TOP2A: variants seen among roughly 807,000 people sequenced by gnomAD.
TOP2A encodes DNA topoisomerase II alpha.
A neutral mutation model predicts 187.2 loss-of-function variants in TOP2A; 68 were observed. The observed-to-expected ratio is 0.36, with a 90% CI of 0.30 to 0.44. The LOEUF (loss-of-function observed/expected upper bound fraction) is 0.44. Ranked by LOEUF, TOP2A falls within the 20% of genes least tolerant of loss-of-function variation. The probability of loss-of-function intolerance (pLI) is 1.00; values close to 1 mark genes in which losing one functional copy is unlikely to be tolerated. For synonymous variants in TOP2A, 542 were observed against 593.2 expected (o/e 0.91, Z 1.25); for missense variants, 1,196 against 1,808.7 (o/e 0.66, Z 6.14).
At chr17:40,398,720 C>T (rs1032789869) in intron 26 of TOP2A, 53 bp downstream of exon 26, 11 of 1,603,276 alleles carry the variant, frequency 6.9e-6, no homozygotes, top group African/African-American at 6.7e-5. Context: ...TTTACTTTTA[C>T]CATTAGAATA....
At chr17:40,402,039 T>C (rs929894517) in intron 20 of TOP2A, among the ~76,000 whole-genome samples, 1 of 152,184 alleles carries the variant, frequency 6.6e-6, no homozygotes, top group African/African-American at 2.4e-5. Context: ...GATGATATGT[T>C]ACAATAGTTT....
Position 40,400,975 on chromosome 17 carries a change from T to C in TOP2A, c.2539A>G (p.Met847Val), listed in dbSNP as rs373290799. Residue 847 changes from methionine (M) to valine (V), a missense_variant, in exon 21 of 35, where the codon ATG (methionine) becomes GTG (valine). This residue lies in a region of TOP2A where 209 missense variants were observed against 376.9 expected (regional missense o/e 0.55). Transcript: ENST00000423485. Reference sequence around the variant, plus strand: ...CCTTCAGCACCATTTATCAGCACCATGGGAATAATAGGAATGTACCATTCA... The same window carrying C: ...CCTTCAGCACCATTTATCAGCACCACGGGAATAATAGGAATGTACCATTCA... ...EPEWYIPIIP[M>V]VLINGAEGIG... 12 of 1,613,774 alleles carry C rather than the reference T, an allele frequency of 7.4e-6. No homozygotes were observed. The highest frequency in any genetic ancestry group is 1.6e-4 in the Middle Eastern group (1 of 6,084).
Position 40,400,728 on chromosome 17 carries a change from C to T in TOP2A, c.2665-65G>A, listed in dbSNP as rs1286839475. 17 of 1,538,552 alleles carry T rather than the reference C, an allele frequency of 1.1e-5. No homozygotes were observed. The East Asian group carries it at 1.8e-4, about 16-fold the overall frequency. ...TGATACTAGACGGAAATCACAACAGCGTTTAACAATAAATCTAAAGTATGA... is the reference window on the plus strand; with the variant it reads ...TGATACTAGACGGAAATCACAACAGTGTTTAACAATAAATCTAAAGTATGA... On this transcript the variant is annotated intron_variant, in intron 21 of 34. Coordinates refer to ENST00000423485, the MANE Select transcript of TOP2A (RefSeq NM_001067.4).
Position 40,389,113 on chromosome 17 carries a change from C to G in TOP2A, c.*406G>C, listed in dbSNP as rs1281167485. 1 of 228,208 alleles carries G rather than the reference C, an allele frequency of 4.4e-6. No individual in the cohort carries two copies. The highest frequency in any genetic ancestry group is 2.2e-5 in the African/African-American group (1 of 44,884). The allele number at this position is 228,208 out of a possible 1,614,324, so 14.1% of individuals were successfully genotyped here. A position where few individuals can be genotyped will look rare whatever the true frequency, so the allele number is the denominator to read the frequency against. On this transcript the variant is annotated 3_prime_UTR_variant, in exon 35 of 35. Coordinates refer to ENST00000423485, the MANE Select transcript of TOP2A (RefSeq NM_001067.4). Reference sequence around the variant, plus strand: ...GATAAAACAGATAATTATGCTCTATCTCATATCTACTGAAAGTAGAAAAGG... The same window carrying G: ...GATAAAACAGATAATTATGCTCTATGTCATATCTACTGAAAGTAGAAAAGG...
In TOP2A at chr17:40,399,076, C is replaced by A; in HGVS notation, c.3252G>T (p.Ser1084=). 1 of 1,588,276 alleles carries A rather than the reference C, an allele frequency of 6.3e-7. No individual in the cohort carries two copies. The highest frequency in any genetic ancestry group is 8.6e-7 in the Non-Finnish European group (1 of 1,165,584). The part of the protein sequence containing the change: ...IKVLIQRGYD[S]DPVKAWKEAQ... ...CTTCTTTCCAGGCCTTCACAGGATC[C>A]GAATCATATCCCCTCTGAATCAGAA... The change falls in exon 25 of 35, where the codon TCG becomes TCT. Residue 1084 remains serine (S), a synonymous_variant. Transcript: ENST00000423485.
rs1249740365 is a variant in TOP2A, at chr17:40,411,920, G to A, written c.790-102C>T. Reference sequence around the variant, plus strand: ...CAAAACCAATGCAATGATGTTCACTGATAGGCATAAGGGAATGGTCATTAA... The same window carrying A: ...CAAAACCAATGCAATGATGTTCACTAATAGGCATAAGGGAATGGTCATTAA... On this transcript the variant is annotated intron_variant, in intron 7 of 34. Coordinates refer to ENST00000423485, the MANE Select transcript of TOP2A (RefSeq NM_001067.4). The surrounding 1 kb of genome is among the most constrained non-coding windows in gnomAD (Gnocchi z 4.4). The A allele has an allele frequency of 1.0e-6, 1 of 967,114 alleles. No homozygotes were observed. Among genetic ancestry groups the A allele is most frequent in the Non-Finnish European group, 1.5e-6 (1 of 670,310 alleles). The allele number at this position is 967,114 out of a possible 1,614,324, so 59.9% of individuals were successfully genotyped here. A position where few individuals can be genotyped will look rare whatever the true frequency, so the allele number is the denominator to read the frequency against.
intron 27 of TOP2A, among the ~76,000 whole-genome samples, chr17:40,397,221 T>C (rs529001024): frequency 6.6e-6 from 1 of 151,828 alleles, no homozygotes; most frequent in South Asian, 2.1e-4. Context: ...GAGAAACAAA[T>C]GTTATTAGGA....
intron 20 of TOP2A, among the ~76,000 whole-genome samples, chr17:40,401,357 T>A (rs908193895): frequency 1.3e-5 from 2 of 152,102 alleles, no homozygotes; most frequent in African/African-American, 2.4e-5. Flanking sequence ...GGAAAGTGAC[T>A]GAAGAGGTGC....
rs560377222 is a variant in TOP2A at position 40,407,289 on chromosome 17, A to G, written c.1626+260T>C. The stretch of plus-strand genomic sequence containing the variant: ...CAAACAAACAAAGAATTGTTTAGAA[A>G]TAAAAAAATATTATGACTGACCTAC... On this transcript the variant is annotated intron_variant, in intron 13 of 34. Transcript: ENST00000423485. Among the ~76,000 whole-genome samples the G allele has an allele frequency of 2.0e-5, 3 of 152,346 alleles. No individual in the cohort carries two copies. In the South Asian group the frequency reaches 6.2e-4, roughly 32 times the overall value.
Position 40,411,106 on chromosome 17 carries a change from C to G in TOP2A, c.1203+3G>C. 4 of 1,601,502 alleles carry G rather than the reference C, an allele frequency of 2.5e-6. No homozygotes were observed. Among genetic ancestry groups the G allele is most frequent in the Non-Finnish European group, 3.4e-6 (4 of 1,175,920 alleles). ...CTATTTTTATTTTCCTCTAAGTACT[C>G]ACAGCTTTGATAAATTTTTCACTCA... On this transcript the variant is annotated splice_donor_region_variant and intron_variant, in intron 10 of 34. Transcript: ENST00000423485. The surrounding 1 kb of genome is among the most constrained non-coding windows in gnomAD (Gnocchi z 4.4).
chr17:40,398,502 T>C, intron 27 of TOP2A, 56 bp downstream of exon 27: 1 of 1,414,222 alleles, frequency 7.1e-7, no homozygotes. Context: ...GGTATACTGC[T>C]GGAATATATT....
Position 40,396,298 on chromosome 17 carries a change from A to G in TOP2A, c.3705T>C (p.Asn1235=), listed in dbSNP as rs758074136. Residue 1235 remains asparagine (N), a synonymous_variant, in exon 28 of 35, where the codon AAT becomes AAC. Transcript: ENST00000423485. ...AGAGTATTACCTTAATTTTCTTTTTATTTTTCTTTTCTGCCTCTGCTTTCA... is the reference window on the plus strand; with the variant it reads ...AGAGTATTACCTTAATTTTCTTTTTGTTTTTCTTTTCTGCCTCTGCTTTCA... ...IEMKAEAEKK[N]KKKIKNENTE... 1.3e-6 allele frequency: 2 copies of G among 1,591,710 alleles called. No homozygotes were observed. The highest frequency in any genetic ancestry group is 8.6e-7 in the Non-Finnish European group (1 of 1,161,786).
Position 40,417,736 on chromosome 17 carries a change from G to A in TOP2A, c.21+35C>T, listed in dbSNP as rs774050016. ...GCCAGAGAGATGCCCGGGCCGCGCGGAGGCTCCACCGCCAGTCCCCCCCGC... is the reference window on the plus strand; with the variant it reads ...GCCAGAGAGATGCCCGGGCCGCGCGAAGGCTCCACCGCCAGTCCCCCCCGC... On this transcript the variant is annotated intron_variant, in intron 1 of 34. Transcript: ENST00000423485. 4.3e-6 allele frequency: 7 copies of A among 1,611,762 alleles called. No homozygotes were observed. In the East Asian group the frequency reaches 1.3e-4, roughly 31 times the overall value.
At position 40,400,990 on chromosome 17, in the gene TOP2A, T is replaced by C; in HGVS notation, c.2524A>G (p.Ile842Val). 1.9e-6 allele frequency: 3 copies of C among 1,613,992 alleles called. No homozygotes were observed. The highest frequency in any genetic ancestry group is 2.5e-6 in the Non-Finnish European group (3 of 1,179,898). ...ATCAGCACCATGGGAATAATAGGAA[T>C]GTACCATTCAGGCTCAACACGCTGG... ...DNQRVEPEWY[I>V]PIIPMVLING... The change falls in exon 21 of 35, where the codon ATT becomes GTT. Residue 842 changes from isoleucine to valine, a missense_variant. This residue lies in a region of TOP2A where 209 missense variants were observed against 376.9 expected (regional missense o/e 0.55). Coordinates refer to ENST00000423485, the MANE Select transcript of TOP2A (RefSeq NM_001067.4).
Position 40,389,604 on chromosome 17 carries a change from G to C in TOP2A, c.4511C>G (p.Ser1504Ter), listed in dbSNP as rs2034997633. The C allele has an allele frequency of 6.2e-7, 1 of 1,608,302 alleles. No individual in the cohort carries two copies. Among genetic ancestry groups the C allele is most frequent in the Admixed American group, 1.7e-5 (1 of 59,286 alleles). The change falls in exon 35 of 35, where the codon TCA becomes TGA. Residue 1504 changes from serine (S) to a stop codon, truncating the protein, a stop_gained. Transcript: ENST00000423485. LOFTEE classifies it high-confidence loss of function. ...ESDDFHMDFD[S>*]AVAPRAKSVR... ...AGATTTTGCCCGAGGAGCCACAGCT[G>C]AGTCAAAGTCCATATGGAAGTCATC... is the stretch of plus-strand genomic sequence containing the variant.
At chr17:40,415,008 C>G (rs1388748994) in intron 4 of TOP2A, among the ~76,000 whole-genome samples, 1 of 151,012 alleles carries the variant, frequency 6.6e-6, no homozygotes, top group Non-Finnish European at 1.5e-5. Flanking sequence ...GGTTCTTGTT[C>G]TACATAGTAC....
intron 27 of TOP2A, among the ~76,000 whole-genome samples, chr17:40,397,561 C>T (rs2035116964): frequency 6.6e-6 from 1 of 151,942 alleles, no homozygotes; most frequent in African/African-American, 2.4e-5. Context: ...GCTGGGATTA[C>T]AGGCATGAGC....
chr17:40,400,795 A>G lies in TOP2A; in HGVS notation c.2664+55T>C, dbSNP rs532236615. 434 of 1,574,400 alleles carry G rather than the reference A, an allele frequency of 2.8e-4. 1 individual carries two copies. The highest frequency in any genetic ancestry group is 3.8e-4 in the Admixed American group (22 of 57,562). The stretch of plus-strand genomic sequence containing the variant: ...TGCATCATCTTTAATCATACAATCT[A>G]TTCAACTGAAACCCAAGGAAAAGTT... On this transcript the variant is annotated intron_variant, in intron 21 of 34. Coordinates refer to ENST00000423485, the MANE Select transcript of TOP2A (RefSeq NM_001067.4).
Position 40,417,882 on chromosome 17 carries a change from A to T in TOP2A, c.-91T>A. ...ACCCCCGACCAAGCCGCTTCTCCAC[A>T]GACGCGCGTCGGTTAGGAGAGCTCC... On this transcript the variant is annotated 5_prime_UTR_variant, in exon 1 of 35. Coordinates refer to ENST00000423485, the MANE Select transcript of TOP2A (RefSeq NM_001067.4). 2 of 1,572,376 alleles carry T rather than the reference A, an allele frequency of 1.3e-6. No homozygotes were observed. The highest frequency in any genetic ancestry group is 1.7e-6 in the Non-Finnish European group (2 of 1,151,492).
Sources: allele counts gnomAD v4.1 joint callset (sites outside exome capture counted in the v4.1 genomes callset), GRCh38; gene constraint gnomAD v4.1.1; regional missense constraint gnomAD v4.1.1; non-coding constraint Gnocchi (gnomAD v3.1); transcripts MANE v1.5; gene names NCBI Gene and HGNC (gene_info 2026-07-23, HGNC 2026-07-21).